Variants in CCDC27 observed in about 807,000 individuals in gnomAD.
CCDC27 encodes coiled-coil domain containing 27, also known as coiled-coil domain-containing protein 27.
Under a neutral mutation model 80.3 loss-of-function variants are expected in CCDC27, and 80 were observed. The observed-to-expected ratio is 1.00, with a 90% confidence interval of 0.83 to 1.20. The LOEUF (loss-of-function observed/expected upper bound fraction) is 1.20. Among genes scored for constraint, CCDC27 ranks in the 50% most tolerant of loss-of-function variants. The pLI is 0.00. For missense variants in CCDC27, 815 were observed against 809.4 expected, an observed-to-expected ratio of 1.01 and a Z score of -0.08; for synonymous variants, 342 against 334.3, an observed-to-expected ratio of 1.02 and a Z score of -0.25.
chr1:3,756,491 A>G (rs908592150), intron 3 of CCDC27: 4 of 406,576 alleles, frequency 9.8e-6, no homozygotes, highest in African/African-American at 2.0e-5. Context: ...GAGCTTCCGC[A>G]CCTTCCTGCA....
Position 3,762,610 on chromosome 1 carries a change from C to T in CCDC27, c.862-10C>T, listed in dbSNP as rs1049798888. On this transcript the variant is annotated splice_polypyrimidine_tract_variant and intron_variant, in intron 5 of 11. Transcript: ENST00000294600. The stretch of plus-strand genomic sequence containing the variant: ...GCTGGAAAGCTGAGGGTCCCACGGG[C>T]GTCTTGCAGGAGCAGCTCTCAGACG... 3.9e-5 allele frequency: 60 copies of T among 1,549,608 alleles called. No individual in the cohort carries two copies. The highest frequency in any genetic ancestry group is 5.9e-5 in the Admixed American group (3 of 50,922).
chr1:3,768,050 G>A lies in CCDC27; in HGVS notation c.1743+605G>A, dbSNP rs1643275320. 6.6e-6 allele frequency among the ~76,000 whole-genome samples: 1 copy of A among 151,932 alleles called. No individual in the cohort carries two copies. The highest frequency in any genetic ancestry group is 2.1e-4 in the South Asian group (1 of 4,808). On this transcript the variant is annotated intron_variant, in intron 10 of 11. Transcript: ENST00000294600. The surrounding 1 kb of genome is among the most constrained non-coding windows in gnomAD (Gnocchi z 5.6). Reference sequence around the variant, plus strand: ...AGGCCAGAGTGTGCCCTGCTTGTGAGGGCCCCATGCCAAAAAGGAAATCAA... The same window carrying A: ...AGGCCAGAGTGTGCCCTGCTTGTGAAGGCCCCATGCCAAAAAGGAAATCAA...
chr1:3,753,962 G>A (rs369136585), intron 1 of CCDC27, among the ~76,000 whole-genome samples, 156 bp from the exon 2 acceptor site: 7 of 152,094 alleles, frequency 4.6e-5, no homozygotes, highest in Middle Eastern at 3.2e-3. Flanking sequence ...GGGGCCACAC[G>A]GTGTCCTGGG....
At position 3,768,398 on chromosome 1, in the gene CCDC27, T is replaced by C. The variant is rs934152173; in HGVS notation, c.1743+953T>C. On this transcript the variant is annotated intron_variant, in intron 10 of 11. Coordinates refer to ENST00000294600, the MANE Select transcript of CCDC27 (RefSeq NM_152492.3). The surrounding 1 kb of genome is among the most constrained non-coding windows in gnomAD (Gnocchi z 5.6). ...AGGTGTGAGCTACCGTGCCTGGCCC[T>C]GACCTTGATTTAGAATCCAAAATTA... 1.3e-5 allele frequency among the ~76,000 whole-genome samples: 2 copies of C among 152,194 alleles called. No homozygotes were observed. The highest frequency in any genetic ancestry group is 6.5e-5 in the Admixed American group (1 of 15,286).
intron 10 of CCDC27, 89 bp downstream of exon 10, chr1:3,767,534 C>T (rs1292962808): frequency 5.7e-6 from 7 of 1,220,610 alleles, no homozygotes; most frequent in South Asian, 1.5e-5. Flanking sequence ...GAGGTAGAAC[C>T]GGGGTCTGTG....
Position 3,766,468 on chromosome 1 carries a change from A to G in CCDC27, c.1453-67A>G. The G allele has an allele frequency of 8.9e-7, 1 of 1,125,980 alleles. No individual in the cohort carries two copies. The highest frequency in any genetic ancestry group is 1.3e-6 in the Non-Finnish European group (1 of 760,980). The allele number at this position is 1,125,980 out of a possible 1,614,324, so 69.7% of individuals were successfully genotyped here. A position where few individuals can be genotyped will look rare whatever the true frequency, so the allele number is the denominator to read the frequency against. ...AGCTTTGGGGAAGGAAAAAAGTTAG[A>G]TGCCGGAATTCAGTCTGTTATCTAA... On this transcript the variant is annotated intron_variant, in intron 8 of 11. Coordinates refer to ENST00000294600, the MANE Select transcript of CCDC27 (RefSeq NM_152492.3). This position sits in a 1 kb window ranked among gnomAD's most constrained non-coding sequence, Gnocchi z 6.1.
rs539881141 is a variant in CCDC27 at position 3,769,350 on chromosome 1, G to A, written c.1744-433G>A. On this transcript the variant is annotated intron_variant, in intron 10 of 11. Transcript: ENST00000294600. This position sits in a 1 kb window ranked among gnomAD's most constrained non-coding sequence, Gnocchi z 4.6. ...ATGGAAAGGAGGAAGCACCAGCAGC[G>A]CACTGTTAAATGCCTAAAGTGAGAG... Among the ~76,000 whole-genome samples the A allele has an allele frequency of 6.6e-6, 1 of 152,312 alleles. No homozygotes were observed. Among genetic ancestry groups the A allele is most frequent in the Non-Finnish European group, 1.5e-5 (1 of 68,020 alleles).
At chr1:3,764,405 T>C (rs1643176653) in intron 8 of CCDC27, among the ~76,000 whole-genome samples, 1 of 152,134 alleles carries the variant, frequency 6.6e-6, no homozygotes, top group African/African-American at 2.4e-5. Context: ...TCCAAATCTC[T>C]AAATAGCATG....
At position 3,754,248 on chromosome 1, in the gene CCDC27, G is replaced by GC. The variant is rs1642899188; in HGVS notation, c.442+13dup. The stretch of plus-strand genomic sequence containing the variant: ...ACATCCATGTCCCACTGTGGTAAGA[G>GC]CCCCCCACCAGGACCGCCTGTGAAA... On this transcript the variant is annotated splice_region_variant and intron_variant, in intron 2 of 11. Coordinates refer to ENST00000294600, the MANE Select transcript of CCDC27 (RefSeq NM_152492.3). 3.2e-6 allele frequency: 5 copies of GC among 1,581,732 alleles called. No homozygotes were observed. The highest frequency in any genetic ancestry group is 2.4e-5 in the East Asian group (1 of 42,318).
chr1:3,764,837 A>T (rs1557628869), intron 8 of CCDC27, among the ~76,000 whole-genome samples: 1 of 151,996 alleles, frequency 6.6e-6, no homozygotes, highest in Non-Finnish European at 1.5e-5. Flanking sequence ...GGAGTTCAAG[A>T]CCCGCCTGAC....
At chr1:3,753,828 C>T (rs146981293) in intron 1 of CCDC27, among the ~76,000 whole-genome samples, 65 of 151,662 alleles carry the variant, frequency 4.3e-4, no homozygotes, top group African/African-American at 1.2e-3. Flanking sequence ...GAATCTCAGC[C>T]GACAGTCAGG....
In CCDC27 at chr1:3,763,202, T is replaced by TG; in HGVS notation, c.1051dup (p.Glu351GlyfsTer17). 1.3e-6 allele frequency: 2 copies of TG among 1,525,104 alleles called. No individual in the cohort carries two copies. Among genetic ancestry groups the TG allele is most frequent in the Non-Finnish European group, 1.8e-6 (2 of 1,133,096 alleles). The allele number at this position is 1,525,104 out of a possible 1,614,324, so 94.5% of individuals were successfully genotyped here. A position where few individuals can be genotyped will look rare whatever the true frequency, so the allele number is the denominator to read the frequency against. On this transcript the variant is annotated frameshift_variant, in exon 7 of 12. Coordinates refer to ENST00000294600, the MANE Select transcript of CCDC27 (RefSeq NM_152492.3). LOFTEE classifies it high-confidence loss of function. The surrounding 1 kb of genome is among the most constrained non-coding windows in gnomAD (Gnocchi z 7.5). The stretch of plus-strand genomic sequence containing the variant: ...GGCCTGGAAGGGGAGCCCGATGGGG[T>TG]GGAGGACACGGGTGCCTGGGGAGGT...
chr1:3,760,910 G>A lies in CCDC27; in HGVS notation c.712-371G>A, dbSNP rs1354686680. On this transcript the variant is annotated intron_variant, in intron 4 of 11. Coordinates refer to ENST00000294600, the MANE Select transcript of CCDC27 (RefSeq NM_152492.3). The surrounding 1 kb of genome is among the most constrained non-coding windows in gnomAD (Gnocchi z 4.3). Reference sequence around the variant, plus strand: ...CTAGGGAAGCTTGGAGGGTGTTGCCGGTTAAGTGTCGGGGCTGCAAAGAAG... The same window carrying A: ...CTAGGGAAGCTTGGAGGGTGTTGCCAGTTAAGTGTCGGGGCTGCAAAGAAG... Among the ~76,000 whole-genome samples, 2 of 152,188 alleles carry A rather than the reference G, an allele frequency of 1.3e-5. No individual in the cohort carries two copies. Among genetic ancestry groups the A allele is most frequent in the African/African-American group, 2.4e-5 (1 of 41,442 alleles).
intron 8 of CCDC27, among the ~76,000 whole-genome samples, chr1:3,765,406 G>A (rs1206235141): frequency 1.3e-5 from 2 of 152,074 alleles, no homozygotes; most frequent in Admixed American, 6.6e-5. Flanking sequence ...ATTTTCTTTG[G>A]TTTTATTGTT....
intron 6 of CCDC27, 40 bp downstream of exon 6, chr1:3,762,752 C>A (rs373335569): frequency 4.6e-6 from 7 of 1,522,252 alleles, no homozygotes; most frequent in Non-Finnish European, 5.3e-6. Flanking sequence ...GTGGGGGACC[C>A]GGGCCCAGGA....
chr1:3,752,743 A>T lies in CCDC27; in HGVS notation c.262A>T (p.Lys88Ter). ...ARCPEWKPHQKPRTLSKSVQT... is the reference protein window; with the variant it reads ...ARCPEWKPHQ The stretch of plus-strand genomic sequence containing the variant: ...GTGCCCAGAATGGAAACCGCACCAA[A>T]AGCCACGCACGCTCAGCAAGTCGGT... The change falls in exon 1 of 12, where the codon AAG becomes TAG. Residue 88 changes from lysine to a stop codon, truncating the protein, a stop_gained. Coordinates refer to ENST00000294600, the MANE Select transcript of CCDC27 (RefSeq NM_152492.3). LOFTEE classifies it high-confidence loss of function. The T allele has an allele frequency of 6.2e-7, 1 of 1,613,770 alleles. No individual in the cohort carries two copies. The highest frequency in any genetic ancestry group is 1.1e-5 in the South Asian group (1 of 91,082).
intron 8 of CCDC27, among the ~76,000 whole-genome samples, chr1:3,765,018 A>G (rs1643194883): frequency 7.0e-6 from 1 of 142,862 alleles, no homozygotes; most frequent in African/African-American, 2.8e-5. Context: ...CTGGGCGACA[A>G]GAGCAAAACT....
intron 4 of CCDC27, 82 bp downstream of exon 4, chr1:3,756,972 G>A: frequency 6.7e-7 from 1 of 1,485,148 alleles, no homozygotes; most frequent in Non-Finnish European, 9.1e-7. Flanking sequence ...CTCCCTGACA[G>A]GCTCTGGTTC....
At position 3,756,750 on chromosome 1, in the gene CCDC27, A is replaced by G. The variant is rs868640860; in HGVS notation, c.571A>G (p.Ser191Gly). The change falls in exon 4 of 12, where the codon AGT becomes GGT. Residue 191 changes from serine to glycine, a missense_variant. Transcript: ENST00000294600. Reference sequence around the variant, plus strand: ...CGCCACAGGGTACCTCCTTCCCTTCAGTAAGAGCATCTGCGAGTTCGATTA... The same window carrying G: ...CGCCACAGGGTACCTCCTTCCCTTCGGTAAGAGCATCTGCGAGTTCGATTA... ...TNVDGYLLPFSKSICEFDYLR... is the reference protein window; with the variant it reads ...TNVDGYLLPFGKSICEFDYLR... The G allele has an allele frequency of 6.2e-7, 1 of 1,614,056 alleles. No individual in the cohort carries two copies. Among genetic ancestry groups the G allele is most frequent in the Admixed American group, 1.7e-5 (1 of 60,016 alleles).
Sources: allele counts gnomAD v4.1 joint callset (sites outside exome capture counted in the v4.1 genomes callset), GRCh38; gene constraint gnomAD v4.1.1; non-coding constraint Gnocchi (gnomAD v3.1); transcripts MANE v1.5; gene names NCBI Gene and HGNC (gene_info 2026-07-23, HGNC 2026-07-21).